MALL: variants seen among roughly 807,000 people sequenced by gnomAD.
The protein encoded by MALL is MAL-like protein.
Under a neutral mutation model 10.3 loss-of-function variants are expected in MALL, and 2 were observed. The ratio of observed to expected loss-of-function variants is 0.19; its 90% CI spans 0.08 to 0.61. MALL has a LOEUF of 0.61. Among genes scored for constraint, MALL ranks in the 20% least tolerant of loss-of-function variants. MALL has a pLI of 0.88. For missense variants in MALL, 39 were observed against 115.2 expected, an observed-to-expected ratio of 0.34 and a Z score of 3.03; for synonymous variants, 27 against 51.8, an observed-to-expected ratio of 0.52 and a Z score of 2.05.
At chr2:110,103,191 G>T (rs371565615) in intron 1 of MALL, among the ~76,000 whole-genome samples, 1 of 152,138 alleles carries the variant, frequency 6.6e-6, no homozygotes, top group East Asian at 1.9e-4. Flanking sequence ...GACAGGAAGT[G>T]GTGCCATGGG....
chr2:110,095,475 A>G (rs1171612798), intron 1 of MALL, among the ~76,000 whole-genome samples: 1 of 152,146 alleles, frequency 6.6e-6, no homozygotes, highest in Non-Finnish European at 1.5e-5. Flanking sequence ...TCTTAAGGAA[A>G]GATGGAGCTT....
At chr2:110,117,670 A>G (rs150785585), upstream of MALL, among the ~76,000 whole-genome samples, 309 of 150,716 alleles carry the variant, frequency 2.1e-3, no homozygotes, top group African/African-American at 7.4e-3. Context: ...ACAAATGTGA[A>G]AATTATTCCC....
chr2:110,109,182 GA>G (rs1296106762), intron 1 of MALL, among the ~76,000 whole-genome samples: 2 of 152,100 alleles, frequency 1.3e-5, no homozygotes, highest in Non-Finnish European at 2.9e-5. Flanking sequence ...AGAGCATGAT[GA>G]ATGCAATGGT....
chr2:110,097,140 C>T (rs1678460144), intron 1 of MALL, among the ~76,000 whole-genome samples: 1 of 147,000 alleles, frequency 6.8e-6, no homozygotes, highest in Admixed American at 6.8e-5. Flanking sequence ...CAAAATGGAA[C>T]AAACTCCAAG....
At chr2:110,115,839 G>A, upstream of MALL, 3 of 915,312 alleles carry the variant, frequency 3.3e-6, no homozygotes, top group Non-Finnish European at 4.4e-6. Context: ...CCCGCGCGCA[G>A]CCTGTCAAAT....
upstream of MALL, chr2:110,115,864 G>T: frequency 1.7e-6 from 1 of 577,254 alleles, no homozygotes; most frequent in South Asian, 8.9e-5. Context: ...CCTCCTGCCC[G>T]ACACACCCAT....
chr2:110,098,083 G>T (rs1678484175), intron 1 of MALL, among the ~76,000 whole-genome samples: 1 of 151,796 alleles, frequency 6.6e-6, no homozygotes. Flanking sequence ...TGTCCTGAAG[G>T]CTCCCTCTGC....
intron 1 of MALL, among the ~76,000 whole-genome samples, chr2:110,104,551 T>C (rs1024774348): frequency 1.3e-5 from 2 of 152,206 alleles, no homozygotes; most frequent in African/African-American, 4.8e-5. Flanking sequence ...TAAGTCTTTA[T>C]GTACCCTGAC....
At chr2:110,112,668 A>T (rs1257614223) in intron 1 of MALL, among the ~76,000 whole-genome samples, 2 of 152,112 alleles carry the variant, frequency 1.3e-5, no homozygotes, top group Non-Finnish European at 1.5e-5. Flanking sequence ...TATGGAAAAC[A>T]GTGTGGAGTT....
intron 1 of MALL, among the ~76,000 whole-genome samples, chr2:110,101,471 A>T: frequency 6.6e-6 from 1 of 152,154 alleles, no homozygotes; most frequent in African/African-American, 2.4e-5. Context: ...CCGCTGGATA[A>T]CAGTGTTGGC....
intron 1 of MALL, among the ~76,000 whole-genome samples, chr2:110,104,449 T>C (rs1272557940): frequency 6.6e-6 from 1 of 152,158 alleles, no homozygotes; most frequent in Non-Finnish European, 1.5e-5. Context: ...GCAGGGGCCA[T>C]GTCTGTCTTG....
chr2:110,107,263 G>A (rs1021421879), intron 1 of MALL, among the ~76,000 whole-genome samples: 4 of 152,212 alleles, frequency 2.6e-5, no homozygotes, highest in African/African-American at 7.2e-5. Context: ...TGCAGCCACC[G>A]GGGGAAGCTG....
upstream of MALL, chr2:110,115,994 C>T: frequency 5.1e-6 from 2 of 391,740 alleles, no homozygotes; most frequent in Non-Finnish European, 9.0e-6. Flanking sequence ...TCTGCCTGGC[C>T]GGCGGGGGGC....
chr2:110,098,410 C>A (rs917848801), intron 1 of MALL, among the ~76,000 whole-genome samples: 2 of 152,054 alleles, frequency 1.3e-5, no homozygotes, highest in African/African-American at 4.8e-5. Flanking sequence ...TCCCTGGCAA[C>A]CACCATTCTA....
intron 1 of MALL, among the ~76,000 whole-genome samples, chr2:110,103,266 G>A (rs1678612464): frequency 6.6e-6 from 1 of 152,124 alleles, no homozygotes; most frequent in African/African-American, 2.4e-5. Flanking sequence ...CCTGTGTGGG[G>A]CCTGAGCAGC....
At chr2:110,110,343 G>A (rs527413027) in intron 1 of MALL, among the ~76,000 whole-genome samples, 2 of 152,090 alleles carry the variant, frequency 1.3e-5, no homozygotes, top group East Asian at 3.9e-4. Context: ...AAGGAAAGAA[G>A]AGAGAAAATC....
intron 1 of MALL, among the ~76,000 whole-genome samples, chr2:110,107,135 G>T (rs78843124): frequency 7.2e-5 from 11 of 152,132 alleles, no homozygotes; most frequent in Non-Finnish European, 1.2e-4. Context: ...GTGGTGAGTG[G>T]CAGTCCTGTG....
intron 1 of MALL, among the ~76,000 whole-genome samples, chr2:110,103,007 G>C (rs1262107372): frequency 6.6e-6 from 1 of 152,176 alleles, no homozygotes; most frequent in Non-Finnish European, 1.5e-5. Flanking sequence ...GGGGGTATCT[G>C]TGAATAGTGC....
chr2:110,111,883 G>T (rs1678810018), intron 1 of MALL, among the ~76,000 whole-genome samples: 1 of 152,014 alleles, frequency 6.6e-6, no homozygotes, highest in African/African-American at 2.4e-5. Flanking sequence ...ATAAAAATAG[G>T]CACATAGACC....
Sources: gnomAD v4.1 joint callset for allele counts (sites outside exome capture counted in the v4.1 genomes callset) on GRCh38, gnomAD v4.1.1 for gene constraint, MANE v1.5 for transcripts, NCBI Gene and HGNC (gene_info 2026-07-23, HGNC 2026-07-21) for gene names.